The following LPP variants were observed in gnomAD, a reference collection of about 807,000 sequenced individuals.
The protein encoded by LPP is LIM domain containing preferred translocation partner in lipoma, also known as lipoma-preferred partner.
A neutral mutation model predicts 60.4 loss-of-function variants in LPP; 38 were observed. That is an observed-to-expected ratio of 0.63 (90% CI 0.49 to 0.83). The LOEUF is 0.83. Among genes scored for constraint, LPP ranks in the 40% least tolerant of loss-of-function variants. The probability of loss-of-function intolerance (pLI) is 0.00; values close to 1 mark genes in which losing one functional copy is unlikely to be tolerated. For missense variants in LPP, 902 were observed against 783.6 expected (o/e 1.15, Z -1.80); for synonymous variants, 328 against 290.8 (o/e 1.13, Z -1.30).
At chr3:188,842,876 T>C (rs1760387867) in intron 9 of LPP, among the ~76,000 whole-genome samples, 1 of 152,166 alleles carries the variant, frequency 6.6e-6, no homozygotes, top group Admixed American at 6.5e-5. Context: ...TATTCCTCTT[T>C]CTATTCAAGT....
intron 3 of LPP, among the ~76,000 whole-genome samples, chr3:188,360,275 C>T (rs1370943147): frequency 6.6e-6 from 1 of 152,140 alleles, no homozygotes; most frequent in African/African-American, 2.4e-5. Context: ...ATTTGTATTG[C>T]ACTCCCAGAT....
chr3:188,683,121 A>G (rs1196238103), intron 7 of LPP, among the ~76,000 whole-genome samples: 1 of 152,138 alleles, frequency 6.6e-6, no homozygotes, highest in Non-Finnish European at 1.5e-5. Context: ...CTTAAGTCAC[A>G]TGTTATGTTA....
At chr3:188,266,708 G>T (rs1361449398) in intron 2 of LPP, among the ~76,000 whole-genome samples, 1 of 152,156 alleles carries the variant, frequency 6.6e-6, no homozygotes, top group Non-Finnish European at 1.5e-5. Context: ...CCGGGTTTAT[G>T]TCTGTTCTAA....
At chr3:188,566,165 T>C (rs1425941426) in intron 6 of LPP, among the ~76,000 whole-genome samples, 1 of 152,002 alleles carries the variant, frequency 6.6e-6, no homozygotes, top group African/African-American at 2.4e-5. Flanking sequence ...CAGTTGTGTT[T>C]CTTTTCAATC....
intron 2 of LPP, among the ~76,000 whole-genome samples, chr3:188,315,008 C>G (rs1754625187): frequency 6.6e-6 from 1 of 151,930 alleles, no homozygotes; most frequent in Non-Finnish European, 1.5e-5. Context: ...GTAGAATTCC[C>G]TTGTGAAAAT....
At chr3:188,648,909 A>C (rs1331265841) in intron 7 of LPP, among the ~76,000 whole-genome samples, 1 of 152,184 alleles carries the variant, frequency 6.6e-6, no homozygotes, top group Non-Finnish European at 1.5e-5. Flanking sequence ...CATGTCAAAA[A>C]ATATTTTTTC....
chr3:188,204,078 C>T (rs9854354), intron 1 of LPP, among the ~76,000 whole-genome samples: 9,492 of 152,082 alleles, frequency 0.062, 345 homozygotes, highest in South Asian at 0.13. Flanking sequence ...GACCATACCC[C>T]AATCAGAAAA....
intron 7 of LPP, among the ~76,000 whole-genome samples, chr3:188,626,440 G>T (rs949198402): frequency 7.9e-5 from 12 of 152,090 alleles, no homozygotes. Context: ...TGGAGTCCTA[G>T]AACTGATCCC....
chr3:188,727,401 G>T (rs564843710), intron 8 of LPP, among the ~76,000 whole-genome samples: 1 of 152,144 alleles, frequency 6.6e-6, no homozygotes, highest in Non-Finnish European at 1.5e-5. Context: ...TTCTGGTGAT[G>T]ACCACGGGTA....
chr3:188,819,801 G>A (rs1753483850), intron 9 of LPP, among the ~76,000 whole-genome samples: 1 of 152,158 alleles, frequency 6.6e-6, no homozygotes, highest in Non-Finnish European at 1.5e-5. Context: ...GTTTAGGCCT[G>A]GTTTATGAGG....
At chr3:188,588,617 A>T (rs1176599367) in intron 6 of LPP, among the ~76,000 whole-genome samples, 1 of 152,232 alleles carries the variant, frequency 6.6e-6, no homozygotes, top group Non-Finnish European at 1.5e-5. Flanking sequence ...CTACAAAATG[A>T]GGATAATAAT....
At chr3:188,812,967 G>C (rs1269590223) in intron 9 of LPP, among the ~76,000 whole-genome samples, 3 of 151,950 alleles carry the variant, frequency 2.0e-5, no homozygotes, top group Non-Finnish European at 4.4e-5. Context: ...AAGGAGAATG[G>C]ACCCAAACTA....
At position 188,416,872 on chromosome 3, in the gene LPP, C is replaced by T. The variant is rs181424144; in HGVS notation, c.193+10559C>T. On this transcript the variant is annotated intron_variant, in intron 4 of 11. Transcript: ENST00000617246. Reference sequence around the variant, plus strand: ...CCTGAAATCTCAGCCAATTTTGGGTCACAGTAGGCCTATGTAAATTATCTA... The same window carrying T: ...CCTGAAATCTCAGCCAATTTTGGGTTACAGTAGGCCTATGTAAATTATCTA... 7.2e-4 allele frequency among the ~76,000 whole-genome samples: 109 copies of T among 152,186 alleles called. 1 individual carries two copies. The highest frequency in any genetic ancestry group is 7.0e-3 in the Admixed American group (107 of 15,260).
At chr3:188,749,998 C>T (rs190783663) in intron 8 of LPP, among the ~76,000 whole-genome samples, 147 of 152,174 alleles carry the variant, frequency 9.7e-4, no homozygotes, top group Middle Eastern at 3.4e-3. Context: ...TATTTTATCA[C>T]GGTTCTAGAG....
chr3:188,863,612 G>T (rs1319232160), intron 9 of LPP, among the ~76,000 whole-genome samples: 4 of 152,184 alleles, frequency 2.6e-5, no homozygotes, highest in Non-Finnish European at 5.9e-5. Context: ...AGTAAAAGGC[G>T]CAGGCTGTCG....
chr3:188,815,036 G>C (rs2151371274), intron 9 of LPP, among the ~76,000 whole-genome samples: 2 of 152,296 alleles, frequency 1.3e-5, no homozygotes, highest in South Asian at 4.1e-4. Flanking sequence ...TCAATTCAGT[G>C]CTTCGCGCAC....
In LPP at chr3:188,881,256, G is replaced by C. The variant is rs995668545; in HGVS notation, c.*6777G>C. 5.4e-6 allele frequency: 1 copy of C among 186,298 alleles called. No individual in the cohort carries two copies. The highest frequency in any genetic ancestry group is 6.2e-5 in the Admixed American group (1 of 16,084). The allele number at this position is 186,298 out of a possible 1,614,324, so 11.5% of individuals were successfully genotyped here. The stretch of plus-strand genomic sequence containing the variant: ...TTAGTCCTGGCCAGTATGTAGTTGC[G>C]CTCACATACGTCTATTCTAGCTCTG... On this transcript the variant is annotated 3_prime_UTR_variant, in exon 12 of 12. Transcript: ENST00000617246.
At chr3:188,483,283 C>A (rs531193426) in intron 4 of LPP, among the ~76,000 whole-genome samples, 2 of 152,222 alleles carry the variant, frequency 1.3e-5, no homozygotes, top group African/African-American at 4.8e-5. Context: ...ATCAGAACAA[C>A]AAAACCTACT....
intron 2 of LPP, among the ~76,000 whole-genome samples, chr3:188,322,353 A>T (rs1010757565): frequency 6.6e-6 from 1 of 152,106 alleles, no homozygotes; most frequent in African/African-American, 2.4e-5. Context: ...TCTTCACTGC[A>T]TGCCCTGGTG....
Sources: gnomAD v4.1 joint callset for allele counts (sites outside exome capture counted in the v4.1 genomes callset) on GRCh38, gnomAD v4.1.1 for gene constraint, MANE v1.5 for transcripts, NCBI Gene and HGNC (gene_info 2026-07-23, HGNC 2026-07-21) for gene names.